Variants in SLC43A1 observed in about 807,000 individuals in gnomAD.
SLC43A1 encodes solute carrier family 43 member 1, also known as large neutral amino acids transporter small subunit 3.
In SLC43A1, 31 loss-of-function variants were observed where a neutral mutation model predicts 59.5. The observed-to-expected ratio is 0.52, with a 90% CI of 0.39 to 0.70. The LOEUF is 0.70. SLC43A1 is among the 30% of genes least tolerant of loss of function. The pLI, the probability that SLC43A1 is intolerant of heterozygous loss-of-function variation, is 0.00. For synonymous variants in SLC43A1, 259 were observed against 290.9 expected, an observed-to-expected ratio of 0.89 and a Z score of 1.12; for missense variants, 598 against 717.8, an observed-to-expected ratio of 0.83 and a Z score of 1.91.
At chr11:57,513,226 TA>T (rs1305791381) in intron 2 of SLC43A1, among the ~76,000 whole-genome samples, 4 of 152,094 alleles carry the variant, frequency 2.6e-5, no homozygotes, top group Non-Finnish European at 1.5e-5. Flanking sequence ...GGAAAGGGGA[TA>T]AAAAGAGAGG....
chr11:57,491,478 A>T, intron 10 of SLC43A1, 113 bp downstream of exon 10: 1 of 1,573,198 alleles, frequency 6.4e-7, no homozygotes, highest in South Asian at 1.2e-5. Flanking sequence ...CCAGACTCTT[A>T]CATCCCACAA....
intron 5 of SLC43A1, among the ~76,000 whole-genome samples, chr11:57,498,448 C>CA (rs1394807127): frequency 3.3e-5 from 5 of 149,800 alleles, no homozygotes; most frequent in South Asian, 4.2e-4. Context: ...CCCCACCCCC[C>CA]AAAAAAAAAG....
At chr11:57,489,174 G>A in intron 12 of SLC43A1, 77 bp downstream of exon 12, 10 of 1,561,728 alleles carry the variant, frequency 6.4e-6, no homozygotes, top group Non-Finnish European at 7.9e-6. Flanking sequence ...GCGCTTCCTG[G>A]AAGGCAGGTG....
chr11:57,499,750 T>TTGGC (rs1944201545), intron 5 of SLC43A1: 2 of 152,278 alleles, frequency 1.3e-5, no homozygotes, highest in Admixed American at 1.3e-4. Flanking sequence ...GACCCTGCCA[T>TTGGC]TGGCTGGAGA....
At chr11:57,502,866 C>G (rs1360887675) in intron 2 of SLC43A1, among the ~76,000 whole-genome samples, 1 of 147,446 alleles carries the variant, frequency 6.8e-6, no homozygotes, top group East Asian at 2.0e-4. Flanking sequence ...AGAGCAAGGC[C>G]CTGTCTCAAA....
intron 11 of SLC43A1, 144 bp from the exon 12 acceptor site, chr11:57,489,536 T>G: frequency 4.0e-6 from 4 of 993,748 alleles, no homozygotes; most frequent in Non-Finnish European, 4.5e-6. Context: ...GGGAAACCCA[T>G]AGAAACCCAC....
At chr11:57,488,893 G>C in intron 13 of SLC43A1, 23 bp downstream of exon 13, 1 of 1,603,352 alleles carries the variant, frequency 6.2e-7, no homozygotes, top group South Asian at 1.1e-5. Flanking sequence ...GCTCAGGAAG[G>C]CATTTCAGCC....
intron 7 of SLC43A1, 29 bp downstream of exon 7, chr11:57,496,002 G>A (rs1944071937): frequency 1.9e-6 from 3 of 1,612,042 alleles, no homozygotes; most frequent in Middle Eastern, 1.7e-4. Flanking sequence ...CTGCCCCAGG[G>A]AGAGTCTCTG....
At chr11:57,496,630 C>T (rs1456977275) in intron 6 of SLC43A1, among the ~76,000 whole-genome samples, 1 of 152,218 alleles carries the variant, frequency 6.6e-6, no homozygotes, top group Non-Finnish European at 1.5e-5. Context: ...ACCCAGACTG[C>T]TCATGCTCAG....
rs1269126006 is a variant in SLC43A1 at position 57,496,021 on chromosome 11, A to C, written c.692+10T>G. On this transcript the variant is annotated intron_variant, in intron 7 of 14. Transcript: ENST00000278426. ...CCCAGGGAGAGTCTCTGCCCACTCCAGCCACTCACGTGTAATTGACTTCCT... is the reference window on the plus strand; with the variant it reads ...CCCAGGGAGAGTCTCTGCCCACTCCCGCCACTCACGTGTAATTGACTTCCT... 1 of 1,613,736 alleles carries C rather than the reference A, an allele frequency of 6.2e-7. No individual in the cohort carries two copies.
chr11:57,514,127 G>T lies in SLC43A1; in HGVS notation c.-13-3C>A. The T allele has an allele frequency of 3.8e-6, 6 of 1,578,226 alleles. No homozygotes were observed. Among genetic ancestry groups the T allele is most frequent in the Non-Finnish European group, 5.2e-6 (6 of 1,163,798 alleles). On this transcript the variant is annotated splice_region_variant and splice_polypyrimidine_tract_variant and intron_variant, in intron 1 of 14. Coordinates refer to ENST00000278426, the MANE Select transcript of SLC43A1 (RefSeq NM_003627.6). This position sits in a 1 kb window ranked among gnomAD's most constrained non-coding sequence, Gnocchi z 5.5. ...TGGGGGCCATGCTGGCCCCGAGCCT[G>T]CACAGAAACAGAGCGCTGGGTGAAG...
Position 57,491,874 on chromosome 11 carries a change from G to A in SLC43A1, c.872-12C>T. On this transcript the variant is annotated splice_polypyrimidine_tract_variant and intron_variant, in intron 8 of 14. Transcript: ENST00000278426. ...TAAGGGGACAGACCCTGGGGAGACAGCAGGGGGCGCCCCTGAGCCCCAGAC... is the reference window on the plus strand; with the variant it reads ...TAAGGGGACAGACCCTGGGGAGACAACAGGGGGCGCCCCTGAGCCCCAGAC... The A allele has an allele frequency of 2.5e-6, 4 of 1,613,012 alleles. No individual in the cohort carries two copies. The highest frequency in any genetic ancestry group is 3.4e-6 in the Non-Finnish European group (4 of 1,179,566).
intron 5 of SLC43A1, among the ~76,000 whole-genome samples, chr11:57,500,055 G>GA (rs1411877447): frequency 6.6e-6 from 1 of 152,132 alleles, no homozygotes; most frequent in African/African-American, 2.4e-5. Flanking sequence ...AGCCAGCCCG[G>GA]CCAGGAACCT....
intron 2 of SLC43A1, among the ~76,000 whole-genome samples, chr11:57,511,650 C>T (rs943825159): frequency 6.6e-6 from 1 of 152,086 alleles, no homozygotes; most frequent in Non-Finnish European, 1.5e-5. Flanking sequence ...ACCCAAATCT[C>T]CATCAACTGA....
At chr11:57,510,312 G>C (rs2135224653) in intron 2 of SLC43A1, among the ~76,000 whole-genome samples, 1 of 151,934 alleles carries the variant, frequency 6.6e-6, no homozygotes, top group Non-Finnish European at 1.5e-5. Flanking sequence ...CAAAAAATTA[G>C]CCGGGCGTGG....
At chr11:57,494,917 C>T (rs921252283) in intron 7 of SLC43A1, among the ~76,000 whole-genome samples, 6 of 151,258 alleles carry the variant, frequency 4.0e-5, no homozygotes, top group African/African-American at 9.7e-5. Flanking sequence ...GGCACGATCT[C>T]GGCTCACCGC....
At chr11:57,504,059 T>C (rs563811811) in intron 2 of SLC43A1, among the ~76,000 whole-genome samples, 3 of 151,388 alleles carry the variant, frequency 2.0e-5, no homozygotes, top group South Asian at 4.2e-4. Flanking sequence ...TAGCCGGGCG[T>C]GGTGGTGGGC....
chr11:57,510,502 A>T (rs1944511583), intron 2 of SLC43A1, among the ~76,000 whole-genome samples: 1 of 149,856 alleles, frequency 6.7e-6, no homozygotes. Flanking sequence ...AACGACACAT[A>T]TTGTTGAGGC....
Position 57,514,255 on chromosome 11 carries a change from G to A in SLC43A1, c.-13-131C>T. ...CCTCATGGAGGCCCCATAGAGCCCT[G>A]GGCTTCCCAGCCGGTGCCAAGGAGC... On this transcript the variant is annotated intron_variant, in intron 1 of 14. Transcript: ENST00000278426. The surrounding 1 kb of genome is among the most constrained non-coding windows in gnomAD (Gnocchi z 5.5). The A allele has an allele frequency of 8.9e-7, 1 of 1,129,038 alleles. No homozygotes were observed. The highest frequency in any genetic ancestry group is 1.2e-6 in the Non-Finnish European group (1 of 821,544). The allele number at this position is 1,129,038 out of a possible 1,614,324, so 69.9% of individuals were successfully genotyped here. A position where few individuals can be genotyped will look rare whatever the true frequency, so the allele number is the denominator to read the frequency against.
Sources: allele counts gnomAD v4.1 joint callset (sites outside exome capture counted in the v4.1 genomes callset), GRCh38; gene constraint gnomAD v4.1.1; non-coding constraint Gnocchi (gnomAD v3.1); transcripts MANE v1.5; gene names NCBI Gene and HGNC (gene_info 2026-07-23, HGNC 2026-07-21).